Variants in NECAB2 observed in about 807,000 individuals in gnomAD.
NECAB2 encodes the protein N-terminal EF-hand calcium-binding protein 2.
A neutral mutation model predicts 51.9 loss-of-function variants in NECAB2; 68 were observed. The observed-to-expected ratio is 1.31, with a 90% confidence interval of 1.08 to 1.60. NECAB2 has a LOEUF of 1.60. NECAB2 is among the 40% of genes most tolerant of loss of function. NECAB2 has a pLI of 0.00. For synonymous variants in NECAB2, 329 were observed against 203.5 expected (o/e 1.62, Z -5.25); for missense variants, 854 against 490.3 (o/e 1.74, Z -7.00).
chr16:84,001,729 G>GGT lies in NECAB2; in HGVS notation c.1041-96_1041-95insGT, dbSNP rs2084840128. On this transcript the variant is annotated intron_variant, in intron 11 of 12. Transcript: ENST00000305202. ...AAAGACCCCCCGTGCTTATTGATAA[G>GGT]CTCCCCATTTTGGGCTAGAGCTAGG... 3 of 1,340,318 alleles carry GGT rather than the reference G, an allele frequency of 2.2e-6. No individual in the cohort carries two copies. In the East Asian group the frequency reaches 7.2e-5, roughly 32 times the overall value. 83.0% of individuals were successfully genotyped at this position (1,340,318 alleles called of 1,614,324 possible).
chr16:83,984,097 G>GCCATTCTCCTGCTTCAGCCT (rs2084522231), intron 5 of NECAB2, among the ~76,000 whole-genome samples: 1 of 147,666 alleles, frequency 6.8e-6, no homozygotes, highest in African/African-American at 2.5e-5. Flanking sequence ...CCGGGTTCAC[G>GCCATTCTCCTGCTTCAGCCT]CCATTCTCCT....
chr16:83,993,428 C>T (rs1438083761), intron 6 of NECAB2: 1 of 153,740 alleles, frequency 6.5e-6, no homozygotes. Context: ...CAGAATGCAC[C>T]AAGACCGCGA....
chr16:83,997,187 T>C (rs766353839), intron 8 of NECAB2, 29 bp from the exon 9 acceptor site: 2 of 1,613,840 alleles, frequency 1.2e-6, no homozygotes, highest in South Asian at 1.1e-5. Context: ...GCTCTGGGTC[T>C]AGCATCACTG....
rs2084840118 is a variant in NECAB2, at chr16:84,001,728, AGC to A, written c.1041-96_1041-95del. On this transcript the variant is annotated intron_variant, in intron 11 of 12. Coordinates refer to ENST00000305202, the MANE Select transcript of NECAB2 (RefSeq NM_019065.3). Reference sequence around the variant, plus strand: ...CAAAGACCCCCCGTGCTTATTGATAAGCTCCCCATTTTGGGCTAGAGCTAGGA... The same window carrying A: ...CAAAGACCCCCCGTGCTTATTGATAATCCCCATTTTGGGCTAGAGCTAGGA... 5.3e-6 allele frequency: 7 copies of A among 1,328,986 alleles called. No individual in the cohort carries two copies. The African/African-American group carries it at 7.5e-5, about 14-fold the overall frequency. The allele number at this position is 1,328,986 out of a possible 1,614,324, so 82.3% of individuals were successfully genotyped here. A position where few individuals can be genotyped will look rare whatever the true frequency, so the allele number is the denominator to read the frequency against.
intron 10 of NECAB2, among the ~76,000 whole-genome samples, chr16:84,000,076 G>C (rs1221436739): frequency 6.8e-6 from 1 of 147,698 alleles, no homozygotes; most frequent in Admixed American, 6.6e-5. Flanking sequence ...TTTTTTTAAA[G>C]AGACAGTGTT....
intron 11 of NECAB2, among the ~76,000 whole-genome samples, chr16:84,001,332 G>T (rs910434036): frequency 6.6e-6 from 1 of 151,970 alleles, no homozygotes; most frequent in Non-Finnish European, 1.5e-5. Context: ...GCAGGAAGCG[G>T]GGCCTAGGGG....
intron 2 of NECAB2, among the ~76,000 whole-genome samples, chr16:83,973,027 C>T (rs543724934): frequency 6.6e-6 from 1 of 152,358 alleles, no homozygotes; most frequent in African/African-American, 2.4e-5. Context: ...TGCCCTGCCT[C>T]CTTCCCTGGG....
At chr16:83,972,955 A>G (rs1365287353) in intron 2 of NECAB2, among the ~76,000 whole-genome samples, 3 of 152,186 alleles carry the variant, frequency 2.0e-5, no homozygotes, top group Non-Finnish European at 4.4e-5. Flanking sequence ...GTGGACTTGA[A>G]CCAAGACAGA....
intron 11 of NECAB2, among the ~76,000 whole-genome samples, chr16:84,001,552 C>G (rs971852826): frequency 1.3e-5 from 2 of 152,058 alleles, no homozygotes; most frequent in Non-Finnish European, 2.9e-5. Flanking sequence ...ACTCCTCCTG[C>G]TAGGGTAAAG....
chr16:83,972,934 C>T (rs2151084848), intron 2 of NECAB2, among the ~76,000 whole-genome samples: 1 of 152,290 alleles, frequency 6.6e-6, no homozygotes, highest in South Asian at 2.1e-4. Context: ...ACAGTTGCAA[C>T]GCAACTCACC....
At chr16:83,971,885 C>CGT (rs1001778993) in intron 1 of NECAB2, 104 of 587,198 alleles carry the variant, frequency 1.8e-4, no homozygotes, top group Middle Eastern at 9.1e-4. Flanking sequence ...CGTGGGCCTG[C>CGT]GTGTGTGTGT....
Position 83,998,029 on chromosome 16 carries a change from T to C in NECAB2, c.850-176T>C, listed in dbSNP as rs137963340. ...TACTTCTGCACTGGGCTCTTGAGGTTCTAGTCCTTTCTTAGCCCATTTTTA... is the reference window on the plus strand; with the variant it reads ...TACTTCTGCACTGGGCTCTTGAGGTCCTAGTCCTTTCTTAGCCCATTTTTA... On this transcript the variant is annotated intron_variant, in intron 9 of 12. Coordinates refer to ENST00000305202, the MANE Select transcript of NECAB2 (RefSeq NM_019065.3). Among the ~76,000 whole-genome samples the C allele has an allele frequency of 7.5e-4, 114 of 152,294 alleles. 1 individual carries two copies. The East Asian group carries it at 0.019, about 25-fold the overall frequency.
chr16:83,994,782 G>T, intron 8 of NECAB2, 94 bp downstream of exon 8: 1 of 1,384,028 alleles, frequency 7.2e-7, no homozygotes, highest in Non-Finnish European at 1.0e-6. Flanking sequence ...CTGGGCTGCA[G>T]AGGGGCCAGG....
rs79091464 is a variant in NECAB2, at chr16:83,982,807, G to A, written c.459+1680G>A. Among the ~76,000 whole-genome samples, 401 of 152,128 alleles carry A rather than the reference G, an allele frequency of 2.6e-3. 2 individuals are homozygous for A. The highest frequency in any genetic ancestry group is 0.012 in the South Asian group (59 of 4,810). Reference sequence around the variant, plus strand: ...CTTTGGTGGTTTTTTTGTGGCAGTCGTGGTGATGATAGGTTGTTGCATCCG... The same window carrying A: ...CTTTGGTGGTTTTTTTGTGGCAGTCATGGTGATGATAGGTTGTTGCATCCG... On this transcript the variant is annotated intron_variant, in intron 5 of 12. Transcript: ENST00000305202.
At chr16:83,993,566 A>G (rs2084653175) in intron 6 of NECAB2, 1 of 153,570 alleles carries the variant, frequency 6.5e-6, no homozygotes, top group Admixed American at 6.6e-5. Context: ...GGATTTGGTC[A>G]TTCATTGAGC....
intron 10 of NECAB2, among the ~76,000 whole-genome samples, chr16:83,998,801 T>TCTCCCCCTC (rs150115759): frequency 0.26 from 39,003 of 151,736 alleles, 9,312 homozygotes; most frequent in African/African-American, 0.64. Flanking sequence ...TAGTTGCCCT[T>TCTCCCCCTC]CTCCCCCTGA....
In NECAB2 at chr16:84,002,529, G is replaced by T. The variant is rs1245005140; in HGVS notation, c.*183G>T. The T allele has an allele frequency of 1.7e-5, 13 of 757,214 alleles. No individual in the cohort carries two copies. Among genetic ancestry groups the T allele is most frequent in the East Asian group, 2.7e-5 (1 of 37,092 alleles). The allele number at this position is 757,214 out of a possible 1,614,324, so 46.9% of individuals were successfully genotyped here. On this transcript the variant is annotated 3_prime_UTR_variant, in exon 13 of 13. Transcript: ENST00000305202. ...TGCCCCCACCTGAGAAGGCAGAGCA[G>T]TGTCTGTGCTGCCAGGTCCTGGTGA...
In NECAB2 at chr16:83,972,186, C is replaced by T. The variant is rs1249802958; in HGVS notation, c.226+11C>T. The T allele has an allele frequency of 1.9e-6, 3 of 1,613,482 alleles. No individual in the cohort carries two copies. Among genetic ancestry groups the T allele is most frequent in the East Asian group, 2.2e-5 (1 of 44,898 alleles). ...GTGCGGACAAAAATGGTGAGTTTCCCTTCCAGGCCGACGGCCGCCCCACTC... is the reference window on the plus strand; with the variant it reads ...GTGCGGACAAAAATGGTGAGTTTCCTTTCCAGGCCGACGGCCGCCCCACTC... On this transcript the variant is annotated intron_variant, in intron 2 of 12. Coordinates refer to ENST00000305202, the MANE Select transcript of NECAB2 (RefSeq NM_019065.3).
chr16:83,974,875 TGTGG>T (rs1597197341), intron 2 of NECAB2, among the ~76,000 whole-genome samples: 4 of 142,912 alleles, frequency 2.8e-5, no homozygotes, highest in African/African-American at 2.7e-5. Context: ...TGCAGGGAGG[TGTGG>T]GTGCAGGGAT....
Sources: allele counts gnomAD v4.1 joint callset (sites outside exome capture counted in the v4.1 genomes callset), GRCh38; gene constraint gnomAD v4.1.1; transcripts MANE v1.5; gene names NCBI Gene and HGNC (gene_info 2026-07-23, HGNC 2026-07-21).